Variants in TMEM273 observed in about 807,000 individuals in gnomAD.
TMEM273 encodes the protein chromosome 10 open reading frame 128.
A neutral mutation model predicts 17.9 loss-of-function variants in TMEM273; 19 were observed. The observed-to-expected ratio is 1.06, with a 90% CI of 0.74 to 1.55. The LOEUF is 1.55. Ranked by LOEUF, TMEM273 falls within the 40% of genes most tolerant of loss-of-function variation. The pLI, the probability that TMEM273 is intolerant of heterozygous loss-of-function variation, is 0.00. For synonymous variants in TMEM273, 66 were observed against 62.0 expected (o/e 1.07, Z -0.31); for missense variants, 194 against 155.6 (o/e 1.25, Z -1.31).
chr10:49,179,929 C>T (rs552275001), intron 1 of TMEM273, among the ~76,000 whole-genome samples: 1 of 152,336 alleles, frequency 6.6e-6, no homozygotes, highest in Non-Finnish European at 1.5e-5. Flanking sequence ...GCCCCACCCT[C>T]ATCAACAGAG....
intron 1 of TMEM273, chr10:49,178,400 A>T (rs1847133733): frequency 2.3e-6 from 1 of 425,856 alleles, no homozygotes; most frequent in Non-Finnish European, 4.8e-6. Context: ...GCAAGACCAG[A>T]TCTCTCCCCT....
At chr10:49,156,029 C>A (rs761352655) in intron 6 of TMEM273, 120 bp from the exon 7 acceptor site, 16 of 1,580,388 alleles carry the variant, frequency 1.0e-5, no homozygotes, top group Non-Finnish European at 1.2e-5. Context: ...GCAAAGCCTG[C>A]AAGGTGGGCC....
intron 1 of TMEM273, chr10:49,178,475 T>G (rs776166780): frequency 2.0e-5 from 7 of 353,428 alleles, no homozygotes; most frequent in Non-Finnish European, 3.4e-5. Flanking sequence ...AACAGCATCA[T>G]CCCATGCAAA....
chr10:49,171,357 A>G (rs1395271613), intron 1 of TMEM273, among the ~76,000 whole-genome samples: 1 of 152,192 alleles, frequency 6.6e-6, no homozygotes, highest in Non-Finnish European at 1.5e-5. Flanking sequence ...TAGAGCAGAG[A>G]GCAGAGGGCA....
In TMEM273 at chr10:49,172,550, C is replaced by T. The variant is rs74697738; in HGVS notation, c.44-4588G>A. Among the ~76,000 whole-genome samples the T allele has an allele frequency of 7.6e-4, 115 of 152,288 alleles. 1 individual carries two copies. In the East Asian group the frequency reaches 0.02, roughly 26 times the overall value. ...CTGGGGAAAGGGTTTGTTCCACCTT[C>T]GAGCCTCTCTGTGGGGATCTGAGAC... is the stretch of plus-strand genomic sequence containing the variant. On this transcript the variant is annotated intron_variant, in intron 1 of 6. Transcript: ENST00000374153.
chr10:49,186,006 G>C (rs1847644222), intron 1 of TMEM273, among the ~76,000 whole-genome samples: 2 of 145,644 alleles, frequency 1.4e-5, no homozygotes, highest in South Asian at 4.5e-4. Context: ...GGAGGAAGAG[G>C]AGGAGGAGGA....
rs1846653098 is a variant in TMEM273, at chr10:49,172,627, A to G, written c.44-4665T>C. 2.6e-5 allele frequency among the ~76,000 whole-genome samples: 4 copies of G among 152,186 alleles called. 1 individual carries two copies. The South Asian group carries it at 6.2e-4, about 24-fold the overall frequency. ...AGGGAAGGATATTTGGAACCAGGAG[A>G]TCTGAGTCCCCATTCTGCCACCCAT... On this transcript the variant is annotated intron_variant, in intron 1 of 6. Transcript: ENST00000374153.
intron 1 of TMEM273, 103 bp downstream of exon 1, chr10:49,188,191 C>G: frequency 7.9e-7 from 1 of 1,272,672 alleles, no homozygotes; most frequent in Non-Finnish European, 1.1e-6. Context: ...TGTAAAGGGA[C>G]AGAGTTATGT....
At chr10:49,159,401 A>G (rs926878106) in intron 6 of TMEM273, among the ~76,000 whole-genome samples, 1 of 152,198 alleles carries the variant, frequency 6.6e-6, no homozygotes, top group Non-Finnish European at 1.5e-5. Flanking sequence ...GTGGGTCTAT[A>G]GCTGCATAGT....
At chr10:49,156,036 G>T in intron 6 of TMEM273, 127 bp from the exon 7 acceptor site, 1 of 1,575,738 alleles carries the variant, frequency 6.3e-7, no homozygotes, top group Non-Finnish European at 8.6e-7. Context: ...CTGCAAGGTG[G>T]GCCACTTCCT....
intron 6 of TMEM273, 133 bp downstream of exon 6, chr10:49,161,466 C>G: frequency 9.0e-7 from 1 of 1,108,436 alleles, no homozygotes; most frequent in Non-Finnish European, 1.4e-6. Flanking sequence ...GGCATGAGGG[C>G]TCCTGGCCAT....
intron 5 of TMEM273, among the ~76,000 whole-genome samples, chr10:49,164,551 C>T (rs971279840): frequency 6.6e-6 from 1 of 152,194 alleles, no homozygotes. Context: ...GACTCCTTTG[C>T]TTAACACAAG....
rs775293685 is a variant in TMEM273, at chr10:49,161,613, G to A, written c.358C>T (p.Gln120Ter). ...IMEGLFKAKP[Q>*]FLQKRCTGD ...TTACAACTCACCTTTTGGAGAAATTGTGGTTTCGCCTGCAAAACAAGATAA... is the reference window on the plus strand; with the variant it reads ...TTACAACTCACCTTTTGGAGAAATTATGGTTTCGCCTGCAAAACAAGATAA... The change falls in exon 6 of 7, where the codon CAA (glutamine) becomes TAA (stop). Residue 120 changes from glutamine to a stop codon, truncating the protein, a stop_gained. Transcript: ENST00000374153. LOFTEE classifies it high-confidence loss of function. 1.9e-6 allele frequency: 3 copies of A among 1,614,228 alleles called. No homozygotes were observed. The highest frequency in any genetic ancestry group is 2.5e-6 in the Non-Finnish European group (3 of 1,180,038).
At chr10:49,157,298 G>T (rs563098720) in intron 6 of TMEM273, among the ~76,000 whole-genome samples, 2 of 152,336 alleles carry the variant, frequency 1.3e-5, no homozygotes, top group South Asian at 4.1e-4. Context: ...AGAGAGCCAG[G>T]CACGATCTGG....
At chr10:49,167,850 T>G in intron 2 of TMEM273, 59 bp downstream of exon 2, 1 of 1,601,656 alleles carries the variant, frequency 6.2e-7, no homozygotes, top group Non-Finnish European at 8.6e-7. Flanking sequence ...CTTGCTTGTC[T>G]TGGGAGCTTC....
At position 49,155,926 on chromosome 10, in the gene TMEM273, C is replaced by A. The variant is rs1311758012; in HGVS notation, c.373-17G>T. The A allele has an allele frequency of 5.6e-6, 9 of 1,614,012 alleles. No individual in the cohort carries two copies. The highest frequency in any genetic ancestry group is 7.6e-6 in the Non-Finnish European group (9 of 1,180,040). ...TGTGCATCTCTGGAAAGGAAGAGAA[C>A]CATCTGGAAGACTTATTGAGAGAGC... On this transcript the variant is annotated splice_polypyrimidine_tract_variant and intron_variant, in intron 6 of 6. Transcript: ENST00000374153.
intron 5 of TMEM273, among the ~76,000 whole-genome samples, chr10:49,163,871 G>C (rs374536100): frequency 6.6e-6 from 1 of 152,172 alleles, no homozygotes; most frequent in Non-Finnish European, 1.5e-5. Context: ...TCCATGTCCA[G>C]CTCATCCCAA....
rs1846135799 is a variant in TMEM273 at position 49,165,737 on chromosome 10, C to T, written c.269+29G>A. On this transcript the variant is annotated intron_variant, in intron 4 of 6. Coordinates refer to ENST00000374153, the MANE Select transcript of TMEM273 (RefSeq NM_001288740.3). ...CAAGACAGGAGAGAACACGATACCT[C>T]TCCCTGACTGTGTGGGCAGTGACCT... 3 of 1,614,000 alleles carry T rather than the reference C, an allele frequency of 1.9e-6. No homozygotes were observed. The East Asian group carries it at 6.7e-5, about 36-fold the overall frequency.
chr10:49,166,842 G>A (rs1473118714), intron 3 of TMEM273, 27 bp downstream of exon 3: 1 of 1,612,126 alleles, frequency 6.2e-7, no homozygotes, highest in Admixed American at 1.7e-5. Context: ...GTGGGGCAGA[G>A]CCAGGCCCGA....
Sources: allele counts gnomAD v4.1 joint callset (sites outside exome capture counted in the v4.1 genomes callset), GRCh38; gene constraint gnomAD v4.1.1; transcripts MANE v1.5; gene names NCBI Gene and HGNC (gene_info 2026-07-23, HGNC 2026-07-21).